Variants in SLIT2 observed in about 807,000 individuals in gnomAD.
The protein encoded by SLIT2 is slit homolog 2 protein.
SLIT2 carries 41 observed loss-of-function variants against 185.7 expected under a neutral mutation model. The ratio of observed to expected loss-of-function variants is 0.22; its 90% CI spans 0.17 to 0.29. The LOEUF is 0.29. Among genes scored for constraint, SLIT2 ranks in the 10% least tolerant of loss-of-function variants. SLIT2 has a pLI of 1.00. For synonymous variants in SLIT2, 693 were observed against 680.2 expected (o/e 1.02, Z -0.29); for missense variants, 1,571 against 1,909.0 (o/e 0.82, Z 3.30).
intron 21 of SLIT2, among the ~76,000 whole-genome samples, chr4:20,545,723 T>A (rs560728439): frequency 2.0e-5 from 3 of 152,048 alleles, no homozygotes; most frequent in South Asian, 2.1e-4. Context: ...TGTGTCCACA[T>A]AAACACAAGC....
chr4:20,311,982 TA>T (rs1718148725), intron 4 of SLIT2, among the ~76,000 whole-genome samples: 1 of 152,236 alleles, frequency 6.6e-6, no homozygotes, highest in Admixed American at 6.5e-5. Flanking sequence ...TAATGGTGTT[TA>T]GCCACAATGT....
chr4:20,384,162 G>T (rs1343399877), intron 4 of SLIT2, among the ~76,000 whole-genome samples: 1 of 151,540 alleles, frequency 6.6e-6, no homozygotes, highest in African/African-American at 2.4e-5. Flanking sequence ...TTTTTGCTGT[G>T]GTAAGCAAAT....
At chr4:20,463,844 C>G (rs1714050573) in intron 4 of SLIT2, among the ~76,000 whole-genome samples, 1 of 149,870 alleles carries the variant, frequency 6.7e-6, no homozygotes, top group African/African-American at 2.5e-5. Context: ...TCACTGCACT[C>G]CAGCCTGGGA....
intron 26 of SLIT2, among the ~76,000 whole-genome samples, chr4:20,562,544 C>T (rs1724778986): frequency 6.6e-6 from 1 of 151,794 alleles, no homozygotes. Context: ...ACATGTATGT[C>T]TCTCCTGCTA....
intron 33 of SLIT2, among the ~76,000 whole-genome samples, chr4:20,604,660 T>C (rs979485168): frequency 1.3e-5 from 2 of 150,840 alleles, no homozygotes; most frequent in African/African-American, 4.9e-5. Context: ...ATAGATATCT[T>C]TAATCTCATT....
intron 11 of SLIT2, among the ~76,000 whole-genome samples, chr4:20,515,201 T>C (rs2148832591): frequency 6.6e-6 from 1 of 152,292 alleles, no homozygotes; most frequent in South Asian, 2.1e-4. Context: ...CTTCCATCTC[T>C]AAAATGAGGA....
chr4:20,514,577 G>C (rs1001517443), intron 11 of SLIT2, among the ~76,000 whole-genome samples: 2 of 152,058 alleles, frequency 1.3e-5, no homozygotes, highest in Admixed American at 6.6e-5. Context: ...CCCGGGAGAC[G>C]AATGTTGTAG....
chr4:20,534,800 A>G lies in SLIT2; in HGVS notation c.1832+1085A>G, dbSNP rs990328414. Among the ~76,000 whole-genome samples the G allele has an allele frequency of 4.6e-5, 7 of 152,036 alleles. 1 individual carries two copies. The highest frequency in any genetic ancestry group is 5.9e-5 in the Non-Finnish European group (4 of 68,000). On this transcript the variant is annotated intron_variant, in intron 18 of 36. Coordinates refer to ENST00000504154, the MANE Select transcript of SLIT2 (RefSeq NM_004787.4). ...GAAGGGCATTCCCACAGCCAGCAAG[A>G]TGTGTTTATAGCATCCCAAATTCAA... is the stretch of plus-strand genomic sequence containing the variant.
At position 20,282,053 on chromosome 4, in the gene SLIT2, A is replaced by G. The variant is rs372755299; in HGVS notation, c.395+13172A>G. Among the ~76,000 whole-genome samples, 44 of 152,342 alleles carry G rather than the reference A, an allele frequency of 2.9e-4. 1 individual carries two copies. In the South Asian group the frequency reaches 3.3e-3, roughly 11 times the overall value. On this transcript the variant is annotated intron_variant, in intron 4 of 36. Coordinates refer to ENST00000504154, the MANE Select transcript of SLIT2 (RefSeq NM_004787.4). Reference sequence around the variant, plus strand: ...TTCATCAGAACCTTTCTGTTGCCGTAAAATGGGAAACTTCATCAAAATCAG... The same window carrying G: ...TTCATCAGAACCTTTCTGTTGCCGTGAAATGGGAAACTTCATCAAAATCAG...
chr4:20,466,513 A>G (rs1309547611), intron 4 of SLIT2, among the ~76,000 whole-genome samples: 4 of 152,186 alleles, frequency 2.6e-5, no homozygotes, highest in African/African-American at 4.8e-5. Flanking sequence ...TGCTTAGCAA[A>G]AAAACATTGA....
chr4:20,317,087 G>A (rs1444047085), intron 4 of SLIT2, among the ~76,000 whole-genome samples: 1 of 151,660 alleles, frequency 6.6e-6, no homozygotes, highest in East Asian at 1.9e-4. Flanking sequence ...TCACAGCCAC[G>A]TTTTGAAGAG....
intron 29 of SLIT2, among the ~76,000 whole-genome samples, chr4:20,577,627 A>G (rs1476446302): frequency 6.6e-6 from 1 of 152,148 alleles, no homozygotes; most frequent in Non-Finnish European, 1.5e-5. Flanking sequence ...AAATATACAT[A>G]CTTTTCTTTC....
At chr4:20,455,576 T>A (rs1368282340) in intron 4 of SLIT2, among the ~76,000 whole-genome samples, 1 of 152,164 alleles carries the variant, frequency 6.6e-6, no homozygotes, top group South Asian at 2.1e-4. Context: ...AAATGTGTTA[T>A]ATTTATACAA....
chr4:20,492,931 T>C (rs541012438), intron 9 of SLIT2, among the ~76,000 whole-genome samples: 2 of 152,314 alleles, frequency 1.3e-5, no homozygotes, highest in South Asian at 4.1e-4. Flanking sequence ...AGCTTTGCAG[T>C]ATAAGACATG....
intron 4 of SLIT2, among the ~76,000 whole-genome samples, chr4:20,429,872 C>T (rs1284710343): frequency 6.6e-6 from 1 of 152,142 alleles, no homozygotes; most frequent in Non-Finnish European, 1.5e-5. Flanking sequence ...TACTCGATCT[C>T]TTTAGGCCAT....
At chr4:20,337,017 C>T in intron 4 of SLIT2, among the ~76,000 whole-genome samples, 1 of 152,094 alleles carries the variant, frequency 6.6e-6, no homozygotes, top group Non-Finnish European at 1.5e-5. Context: ...CTTCCTATTC[C>T]TCTTATAAGA....
At chr4:20,416,181 A>G (rs998245603) in intron 4 of SLIT2, among the ~76,000 whole-genome samples, 1 of 152,160 alleles carries the variant, frequency 6.6e-6, no homozygotes, top group African/African-American at 2.4e-5. Flanking sequence ...GCAAAATACC[A>G]CAGACTGGGA....
rs1030202455 is a variant in SLIT2, at chr4:20,420,951, A to G, written c.396-46801A>G. On this transcript the variant is annotated intron_variant, in intron 4 of 36. Transcript: ENST00000504154. ...CTGGCACCCTAATCTTGGACTTCTT[A>G]GCCTCCAGAACTATGAGAGAATAAA... 8.5e-5 allele frequency among the ~76,000 whole-genome samples: 13 copies of G among 152,198 alleles called. No homozygotes were observed. In the East Asian group the frequency reaches 2.5e-3, roughly 29 times the overall value.
In SLIT2 at chr4:20,519,371, A is replaced by AT. The variant is rs749908650; in HGVS notation, c.1059-4dup. The AT allele has an allele frequency of 4.8e-6, 7 of 1,462,716 alleles. No homozygotes were observed. The highest frequency in any genetic ancestry group is 2.8e-5 in the African/African-American group (2 of 71,826). The allele number at this position is 1,462,716 out of a possible 1,614,324, so 90.6% of individuals were successfully genotyped here. On this transcript the variant is annotated splice_polypyrimidine_tract_variant and intron_variant, in intron 11 of 36. Coordinates refer to ENST00000504154, the MANE Select transcript of SLIT2 (RefSeq NM_004787.4). ...GTGTCTAATTTTTTTCATTTAAAAT[A>AT]TTTTTTTCAGTGTCCTCTATGGAAA... is the stretch of plus-strand genomic sequence containing the variant.
Sources: allele counts gnomAD v4.1 joint callset (sites outside exome capture counted in the v4.1 genomes callset), GRCh38; gene constraint gnomAD v4.1.1; transcripts MANE v1.5; gene names NCBI Gene and HGNC (gene_info 2026-07-23, HGNC 2026-07-21).